The following REDIC1 variants were observed in gnomAD, a reference collection of about 807,000 sequenced individuals.
REDIC1 encodes regulator of DNA class I crossover intermediates 1, also known as HEI10 Interacting Protein 1.
the REDIC1 span, among the ~76,000 whole-genome samples, chr12:39,703,061 A>T: frequency 3.9e-5 from 6 of 152,204 alleles, no homozygotes; most frequent in Non-Finnish European, 7.3e-5. Flanking sequence ...CCTATTCAAC[A>T]TAGTGTTGGA....
At chr12:39,687,025 A>C in the REDIC1 span, among the ~76,000 whole-genome samples, 1 of 152,170 alleles carries the variant, frequency 6.6e-6, no homozygotes. Context: ...TAAGTTCCTC[A>C]TTTGTATCTG....
chr12:39,708,149 A>G, the REDIC1 span, among the ~76,000 whole-genome samples: 1 of 151,830 alleles, frequency 6.6e-6, no homozygotes, highest in Non-Finnish European at 1.5e-5. Flanking sequence ...ACATTTTCAA[A>G]TAATGAAAAC....
the REDIC1 span, chr12:39,682,899 T>C: frequency 1.2e-6 from 2 of 1,612,916 alleles, no homozygotes; most frequent in Non-Finnish European, 1.7e-6. Context: ...GTGATTATGA[T>C]AGTATGGGAG....
chr12:39,643,904 G>T, the REDIC1 span: 1 of 1,553,678 alleles, frequency 6.4e-7, no homozygotes, highest in Admixed American at 1.9e-5. Flanking sequence ...TATCTTGCAA[G>T]AAGAAAATTC....
the REDIC1 span, among the ~76,000 whole-genome samples, chr12:39,713,728 C>T: frequency 1.4e-5 from 2 of 145,844 alleles, no homozygotes; most frequent in Middle Eastern, 4.4e-3. Context: ...TGTATACATG[C>T]GTATATACAT....
chr12:39,730,793 A>T, the REDIC1 span, among the ~76,000 whole-genome samples: 1 of 152,114 alleles, frequency 6.6e-6, no homozygotes, highest in Non-Finnish European at 1.5e-5. Context: ...TACACTAATC[A>T]AATGTAGGTT....
chr12:39,645,115 C>A, the REDIC1 span, among the ~76,000 whole-genome samples: 1 of 151,974 alleles, frequency 6.6e-6, no homozygotes, highest in African/African-American at 2.4e-5. Flanking sequence ...ATAACCAGAG[C>A]ACTTCTCGAA....
chr12:39,711,054 T>TC, the REDIC1 span, among the ~76,000 whole-genome samples: 1 of 151,342 alleles, frequency 6.6e-6, no homozygotes, highest in African/African-American at 2.4e-5. Flanking sequence ...CTCCCACTCT[T>TC]CCCCCCAAGT....
the REDIC1 span, among the ~76,000 whole-genome samples, chr12:39,673,124 GC>G: frequency 2.6e-5 from 4 of 152,022 alleles, no homozygotes; most frequent in African/African-American, 7.2e-5. Context: ...GGGAGGCTAG[GC>G]CATCTGCCTA....
At chr12:39,825,186 AGT>A in the REDIC1 span, among the ~76,000 whole-genome samples, 1 of 152,204 alleles carries the variant, frequency 6.6e-6, no homozygotes, top group African/African-American at 2.4e-5. Context: ...GCATTAAGAA[AGT>A]GTCCCTCATT....
At chr12:39,746,792 C>T in the REDIC1 span, among the ~76,000 whole-genome samples, 18 of 152,220 alleles carry the variant, frequency 1.2e-4, no homozygotes, top group South Asian at 4.1e-4. Flanking sequence ...ATGCAGCCTC[C>T]GCTGCTGATA....
the REDIC1 span, among the ~76,000 whole-genome samples, chr12:39,884,151 T>C: frequency 1.3e-5 from 2 of 152,178 alleles, no homozygotes; most frequent in Admixed American, 6.5e-5. Flanking sequence ...TGTATGTATG[T>C]AGAGATGGGG....
At chr12:39,687,783 G>T in the REDIC1 span, among the ~76,000 whole-genome samples, 2 of 152,196 alleles carry the variant, frequency 1.3e-5, no homozygotes, top group African/African-American at 4.8e-5. Flanking sequence ...CACTGCTTAT[G>T]TAATGTTATA....
the REDIC1 span, chr12:39,871,763 A>C: frequency 7.7e-6 from 12 of 1,557,250 alleles, no homozygotes; most frequent in Non-Finnish European, 1.0e-5. Context: ...TTAGGAAATA[A>C]AGTTTATAAT....
At chr12:39,904,017 C>T in the REDIC1 span, among the ~76,000 whole-genome samples, 325 of 152,116 alleles carry the variant, frequency 2.1e-3, 1 homozygote, top group African/African-American at 7.6e-3. Flanking sequence ...CTGTCTGTGT[C>T]GGAGGTGCCC....
the REDIC1 span, among the ~76,000 whole-genome samples, chr12:39,740,074 G>C: frequency 3.9e-5 from 6 of 152,206 alleles, no homozygotes; most frequent in Non-Finnish European, 5.9e-5. Context: ...GATATTAGGA[G>C]TTACGGCAAG....
chr12:39,663,275 A>G, the REDIC1 span, among the ~76,000 whole-genome samples: 1 of 151,934 alleles, frequency 6.6e-6, no homozygotes, highest in Admixed American at 6.6e-5. Context: ...TTGCTTTATG[A>G]ATCTTGTTGC....
At chr12:39,703,315 G>C in the REDIC1 span, among the ~76,000 whole-genome samples, 4 of 150,540 alleles carry the variant, frequency 2.7e-5, 1 homozygote, top group South Asian at 8.6e-4. Context: ...GCCAAATCAT[G>C]AGTGAACTCC....
chr12:39,716,992 C>T, the REDIC1 span, among the ~76,000 whole-genome samples: 2 of 151,612 alleles, frequency 1.3e-5, no homozygotes, highest in Non-Finnish European at 2.9e-5. Context: ...TTAAAAAGTA[C>T]ATTTAAAAAT....
Sources: gnomAD v4.1 joint callset for allele counts (sites outside exome capture counted in the v4.1 genomes callset) on GRCh38, gnomAD v4.1.1 for gene constraint, MANE v1.5 for transcripts, NCBI Gene and HGNC (gene_info 2026-07-23, HGNC 2026-07-21) for gene names.